PCDH15: variants seen among roughly 807,000 people sequenced by gnomAD.
The protein encoded by PCDH15 is protocadherin related 15.
Under a neutral mutation model 178.5 loss-of-function variants are expected in PCDH15, and 129 were observed. The observed-to-expected ratio is 0.72, with a 90% CI of 0.63 to 0.84. The LOEUF (loss-of-function observed/expected upper bound fraction) is 0.84, where lower values mean the gene tolerates loss of function less well. Among genes scored for constraint, PCDH15 ranks in the 40% least tolerant of loss-of-function variants. The probability of loss-of-function intolerance (pLI) is 0.00; values close to 1 mark genes in which losing one functional copy is unlikely to be tolerated. For missense variants in PCDH15, 2,230 were observed against 2,099.9 expected (o/e 1.06, Z -1.21); for synonymous variants, 800 against 732.0 (o/e 1.09, Z -1.50).
At chr10:55,282,953 A>G (rs1191951044) in intron 1 of PCDH15, among the ~76,000 whole-genome samples, 2 of 152,168 alleles carry the variant, frequency 1.3e-5, no homozygotes, top group Admixed American at 1.3e-4. Context: ...AACTTACTTT[A>G]TAGTTGAACT....
chr10:53,888,363 T>TATATACGTATATATATGTATGTAC (rs2081298618), intron 26 of PCDH15, among the ~76,000 whole-genome samples: 1 of 78,628 alleles, frequency 1.3e-5, no homozygotes, highest in Non-Finnish European at 2.6e-5. Context: ...TATATACATA[T>TATATACGTATATATATGTATGTAC]ATATATATAT....
intron 2 of PCDH15, among the ~76,000 whole-genome samples, chr10:55,016,091 T>G (rs1409880148): frequency 1.7e-5 from 1 of 60,058 alleles, no homozygotes; most frequent in African/African-American, 1.3e-4. Flanking sequence ...CAATGACCTT[T>G]TTTTTTTAAA....
chr10:55,324,328 T>C (rs758344107), upstream of PCDH15, among the ~76,000 whole-genome samples: 9 of 152,116 alleles, frequency 5.9e-5, no homozygotes, highest in Non-Finnish European at 1.2e-4. Flanking sequence ...CCCAACTGTA[T>C]GCTGCCTTTA....
chr10:54,958,689 G>A (rs896459612), intron 2 of PCDH15, among the ~76,000 whole-genome samples: 2 of 151,394 alleles, frequency 1.3e-5, no homozygotes, highest in Non-Finnish European at 3.0e-5. Flanking sequence ...TAGTATGATA[G>A]AAGCTAGGAA....
chr10:55,136,424 G>A (rs984844378), intron 2 of PCDH15, among the ~76,000 whole-genome samples: 7 of 151,744 alleles, frequency 4.6e-5, no homozygotes, highest in East Asian at 1.9e-4. Context: ...AAATATTTCC[G>A]CCTATGGATA....
chr10:54,346,269 C>A (rs1943266086), intron 6 of PCDH15, 96 bp downstream of exon 6: 1 of 1,189,226 alleles, frequency 8.4e-7, no homozygotes. Context: ...TAATCTGGTT[C>A]TGGAAGTTAC....
intron 18 of PCDH15, among the ~76,000 whole-genome samples, chr10:54,045,306 G>C (rs2093633045): frequency 6.6e-6 from 1 of 151,976 alleles, no homozygotes; most frequent in South Asian, 2.1e-4. Context: ...TGAAGACCGG[G>C]GTGATGTTTT....
chr10:55,179,066 A>G (rs957138703), intron 1 of PCDH15, among the ~76,000 whole-genome samples: 1 of 152,130 alleles, frequency 6.6e-6, no homozygotes, highest in African/African-American at 2.4e-5. Flanking sequence ...TGGTTCATGC[A>G]TACTTAACCT....
At chr10:54,650,606 T>A (rs1032444836) in intron 2 of PCDH15, among the ~76,000 whole-genome samples, 5 of 152,142 alleles carry the variant, frequency 3.3e-5, no homozygotes, top group Non-Finnish European at 7.4e-5. Flanking sequence ...AATAAAGACA[T>A]ACCTGAGACT....
chr10:54,888,809 G>T, intron 3 of PCDH15, among the ~76,000 whole-genome samples: 2 of 144,792 alleles, frequency 1.4e-5, no homozygotes, highest in Non-Finnish European at 3.0e-5. Flanking sequence ...TTTTTAAGTG[G>T]GCTATTTTAT....
At chr10:54,141,231 A>C (rs2043378659) in intron 14 of PCDH15, among the ~76,000 whole-genome samples, 2 of 151,912 alleles carry the variant, frequency 1.3e-5, no homozygotes, top group African/African-American at 4.8e-5. Flanking sequence ...TGTTCTGTTT[A>C]TTGAAAGTTC....
chr10:55,046,171 C>T (rs1157779128), intron 2 of PCDH15, among the ~76,000 whole-genome samples: 2 of 151,912 alleles, frequency 1.3e-5, no homozygotes, highest in African/African-American at 4.8e-5. Flanking sequence ...TACAAATCGT[C>T]GTTTTCACTT....
chr10:54,449,993 C>G (rs150710237), intron 3 of PCDH15, among the ~76,000 whole-genome samples: 1,805 of 151,542 alleles, frequency 0.012, 29 homozygotes, highest in African/African-American at 0.04. Flanking sequence ...TCTTGAAAAG[C>G]CTAGATCCTC....
intron 2 of PCDH15, among the ~76,000 whole-genome samples, chr10:55,561,824 T>C (rs936313114): frequency 1.3e-5 from 2 of 151,924 alleles, no homozygotes. Context: ...AGTAGCATGG[T>C]TAGTAAAATA....
intron 9 of PCDH15, among the ~76,000 whole-genome samples, chr10:54,222,988 C>A (rs957262571): frequency 1.3e-5 from 2 of 151,978 alleles, no homozygotes; most frequent in East Asian, 3.9e-4. Flanking sequence ...TAAATTTTTT[C>A]TTTTATAGAT....
Position 53,803,690 on chromosome 10 carries a change from CAA to C in PCDH15, c.*2887_*2888del, listed in dbSNP as rs1840998082. ...CTGTGATTCGATGGTCATTAAGTCA[CAA>C]ATGTCCTATGTCACTCTGACCATAT... is the stretch of plus-strand genomic sequence containing the variant. On this transcript the variant is annotated 3_prime_UTR_variant, in exon 38 of 38. Transcript: ENST00000644397. 6.6e-6 allele frequency: 1 copy of C among 151,906 alleles called. No homozygotes were observed. Among genetic ancestry groups the C allele is most frequent in the African/African-American group, 2.4e-5 (1 of 41,420 alleles). 9.4% of individuals were successfully genotyped at this position (151,906 alleles called of 1,614,324 possible). A position where few individuals can be genotyped will look rare whatever the true frequency, so the allele number is the denominator to read the frequency against.
chr10:54,309,533 C>A (rs2060770470), intron 8 of PCDH15, among the ~76,000 whole-genome samples: 2 of 151,968 alleles, frequency 1.3e-5, no homozygotes, highest in Non-Finnish European at 2.9e-5. Flanking sequence ...GTGGCTCATG[C>A]CTATAATCCC....
At chr10:53,819,846 G>A (rs1588914432) in intron 33 of PCDH15, among the ~76,000 whole-genome samples, 1 of 151,822 alleles carries the variant, frequency 6.6e-6, no homozygotes, top group Non-Finnish European at 1.5e-5. Flanking sequence ...ATGACATTAG[G>A]AATCTCCAAA....
chr10:55,444,271 A>G (rs1038409551), intron 2 of PCDH15, among the ~76,000 whole-genome samples: 1 of 119,918 alleles, frequency 8.3e-6, no homozygotes, highest in Non-Finnish European at 1.6e-5. Context: ...TACCCCAGAA[A>G]GTAAAGTGTA....
Sources: allele counts gnomAD v4.1 joint callset (sites outside exome capture counted in the v4.1 genomes callset), GRCh38; gene constraint gnomAD v4.1.1; transcripts MANE v1.5; gene names NCBI Gene and HGNC (gene_info 2026-07-23, HGNC 2026-07-21).